NEBL: variants seen among roughly 807,000 people sequenced by gnomAD.
NEBL encodes LIM and SH3 protein 2.
NEBL carries 122 observed loss-of-function variants against 140.2 expected under a neutral mutation model. The observed-to-expected ratio is 0.87, with a 90% CI of 0.75 to 1.01. NEBL has a LOEUF of 1.01. Ranked by LOEUF, NEBL falls within the 50% of genes least tolerant of loss-of-function variation. NEBL has a pLI of 0.00. For synonymous variants in NEBL, 436 were observed against 398.9 expected (o/e 1.09, Z -1.11); for missense variants, 1,365 against 1,231.3 (o/e 1.11, Z -1.62).
intron 3 of NEBL, among the ~76,000 whole-genome samples, chr10:21,007,555 T>C (rs574024922): frequency 6.6e-6 from 1 of 152,336 alleles, no homozygotes; most frequent in Admixed American, 6.5e-5. Context: ...TTTCATACAT[T>C]ATCACCCTTA....
intron 1 of NEBL, among the ~76,000 whole-genome samples, chr10:21,253,014 C>A (rs1842606417): frequency 1.3e-5 from 2 of 152,122 alleles, no homozygotes; most frequent in African/African-American, 4.8e-5. Context: ...GTAATCCCAG[C>A]ATTTTGGGAG....
chr10:20,984,577 T>C (rs1837181328), intron 3 of NEBL, among the ~76,000 whole-genome samples: 1 of 152,080 alleles, frequency 6.6e-6, no homozygotes, highest in Non-Finnish European at 1.5e-5. Context: ...AATTGGAGCA[T>C]TCTACAAGGC....
chr10:21,062,020 G>A (rs973953440), intron 2 of NEBL, among the ~76,000 whole-genome samples: 1 of 152,192 alleles, frequency 6.6e-6, no homozygotes, highest in Admixed American at 6.5e-5. Flanking sequence ...ATGCAAACCC[G>A]ATGAAAAGAG....
chr10:21,232,624 A>G (rs1347438944), intron 3 of NEBL, among the ~76,000 whole-genome samples: 1 of 152,154 alleles, frequency 6.6e-6, no homozygotes, highest in African/African-American at 2.4e-5. Flanking sequence ...AGTTCACAAT[A>G]GGGTTTGCGC....
At position 21,183,914 on chromosome 10, in the gene NEBL, T is replaced by C. The variant is rs150322141; in HGVS notation, n.349-11437A>G. 3.1e-3 allele frequency among the ~76,000 whole-genome samples: 465 copies of C among 152,292 alleles called. 3 individuals are homozygous for C. The highest frequency in any genetic ancestry group is 0.01 in the African/African-American group (424 of 41,552). On this transcript the variant is annotated intron_variant and non_coding_transcript_variant, in intron 3 of 8. Coordinates refer to the NEBL transcript ENST00000675702. Reference sequence around the variant, plus strand: ...AGTCTCACGAGATCTGATGGTTTTATTAAGGGGAGTTTCTTTGCACAAGCT... The same window carrying C: ...AGTCTCACGAGATCTGATGGTTTTACTAAGGGGAGTTTCTTTGCACAAGCT...
At chr10:21,242,210 G>GAA (rs1238635083) in intron 3 of NEBL, among the ~76,000 whole-genome samples, 1 of 136,286 alleles carries the variant, frequency 7.3e-6, no homozygotes, top group African/African-American at 3.0e-5. Context: ...GTCTCAAAAG[G>GAA]AAAAAAAAGA....
chr10:21,116,230 T>C (rs187559820), intron 2 of NEBL, among the ~76,000 whole-genome samples: 1 of 152,236 alleles, frequency 6.6e-6, no homozygotes, highest in African/African-American at 2.4e-5. Context: ...CAACAGATAT[T>C]TATTTCTTAC....
intron 13 of NEBL, among the ~76,000 whole-genome samples, chr10:20,838,347 G>A (rs1039376035): frequency 7.2e-5 from 11 of 152,188 alleles, no homozygotes; most frequent in African/African-American, 2.7e-4. Context: ...AGCAACTGCA[G>A]ATGCAGTGGA....
At chr10:20,976,076 T>A (rs770564332) in intron 3 of NEBL, among the ~76,000 whole-genome samples, 3 of 152,078 alleles carry the variant, frequency 2.0e-5, no homozygotes, top group Non-Finnish European at 4.4e-5. Flanking sequence ...GGCTCACACC[T>A]GTAATCCCAG....
intron 1 of NEBL, among the ~76,000 whole-genome samples, chr10:21,261,323 A>G (rs115932035): frequency 0.024 from 3,657 of 152,246 alleles, 51 homozygotes; most frequent in Middle Eastern, 0.061. Context: ...TGGACGCTGA[A>G]CCTCATGATG....
intron 4 of NEBL, among the ~76,000 whole-genome samples, chr10:20,919,598 G>T (rs1164978159): frequency 6.6e-6 from 1 of 152,118 alleles, no homozygotes; most frequent in African/African-American, 2.4e-5. Context: ...GGGAGAAAAG[G>T]ACAACCCCTT....
intron 2 of NEBL, chr10:21,170,366 A>G (rs899479359): frequency 6.6e-6 from 1 of 152,240 alleles, no homozygotes; most frequent in East Asian, 1.9e-4. Context: ...GATGTGGTCC[A>G]TAAAGCCTGA....
intron 2 of NEBL, among the ~76,000 whole-genome samples, chr10:21,033,209 G>T (rs1833869269): frequency 6.6e-6 from 1 of 152,076 alleles, no homozygotes; most frequent in African/African-American, 2.4e-5. Flanking sequence ...ACGCAGATTT[G>T]GGACTCGAGT....
At position 20,845,318 on chromosome 10, in the gene NEBL, C is replaced by T; in HGVS notation, c.1167G>A (p.Leu389=). The change falls in exon 12 of 28, where the codon CTG becomes CTA. Residue 389 remains leucine (L), a synonymous_variant. Coordinates refer to ENST00000377122, the MANE Select transcript of NEBL (RefSeq NM_006393.3). The part of the protein sequence containing the change: ...FEKEIKGRSS[L]DLDKTPEFLH... ...AAAATTCTGGAGTCTTGTCTAAATC[C>T]AGTGATGACCTTCCTTTAATCTCCT... 2 of 1,606,480 alleles carry T rather than the reference C, an allele frequency of 1.2e-6. No individual in the cohort carries two copies. The highest frequency in any genetic ancestry group is 2.2e-5 in the South Asian group (2 of 90,914).
At chr10:20,841,587 T>C (rs1159247014) in intron 12 of NEBL, 2 of 152,118 alleles carry the variant, frequency 1.3e-5, no homozygotes, top group Non-Finnish European at 2.9e-5. Context: ...GAAATGTGCA[T>C]AGATGATGGA....
rs534065500 is a variant in NEBL, at chr10:20,785,503, T to A, written c.*244A>T. On this transcript the variant is annotated 3_prime_UTR_variant, in exon 28 of 28. Coordinates refer to ENST00000377122, the MANE Select transcript of NEBL (RefSeq NM_006393.3). ...TTCAATAGCCAATCAAAGGAAACCA[T>A]GAACACAATTAGCAGCACCAGGTGT... 119 of 541,548 alleles carry A rather than the reference T, an allele frequency of 2.2e-4. No homozygotes were observed. The South Asian group carries it at 2.4e-3, about 11-fold the overall frequency. 33.5% of individuals were successfully genotyped at this position (541,548 alleles called of 1,614,324 possible). A position where few individuals can be genotyped will look rare whatever the true frequency, so the allele number is the denominator to read the frequency against.
intron 3 of NEBL, among the ~76,000 whole-genome samples, chr10:21,213,719 T>C (rs940506410): frequency 6.6e-6 from 1 of 152,212 alleles, no homozygotes; most frequent in African/African-American, 2.4e-5. Flanking sequence ...ATGGGTTCTA[T>C]AGCAGCCTTT....
At chr10:21,286,204 T>C (rs78223266) in intron 1 of NEBL, among the ~76,000 whole-genome samples, 83 of 152,356 alleles carry the variant, frequency 5.4e-4, no homozygotes, top group African/African-American at 1.8e-3. Context: ...TAATAAGTTA[T>C]ACATGTCTGC....
At chr10:21,243,456 G>C (rs145507923) in intron 3 of NEBL, among the ~76,000 whole-genome samples, 1 of 151,894 alleles carries the variant, frequency 6.6e-6, no homozygotes, top group Admixed American at 6.6e-5. Flanking sequence ...ACAGGTGCAC[G>C]CCATCACGCC....
Sources: allele counts gnomAD v4.1 joint callset (sites outside exome capture counted in the v4.1 genomes callset), GRCh38; gene constraint gnomAD v4.1.1; transcripts MANE v1.5; gene names NCBI Gene and HGNC (gene_info 2026-07-23, HGNC 2026-07-21).